The following MAP3K5 variants were observed in gnomAD, a reference collection of about 807,000 sequenced individuals.
MAP3K5 encodes mitogen-activated protein kinase kinase kinase 5, also known as ASK-1.
Under a neutral mutation model 158.7 loss-of-function variants are expected in MAP3K5, and 56 were observed. The observed-to-expected ratio is 0.35, with a 90% CI of 0.28 to 0.44. The LOEUF (loss-of-function observed/expected upper bound fraction) is 0.44. Ranked by LOEUF, MAP3K5 falls within the 20% of genes least tolerant of loss-of-function variation. MAP3K5 has a pLI of 1.00. For synonymous variants in MAP3K5, 579 were observed against 601.7 expected (o/e 0.96, Z 0.55); for missense variants, 1,294 against 1,674.8 (o/e 0.77, Z 3.97).
chr6:136,791,450 TCGCATGGACCCAGGGCTCCAG>T lies in MAP3K5; in HGVS notation c.448+239_448+259del, dbSNP rs1785070849. 3.9e-5 allele frequency among the ~76,000 whole-genome samples: 6 copies of T among 151,970 alleles called. No homozygotes were observed. The South Asian group carries it at 6.2e-4, about 16-fold the overall frequency. On this transcript the variant is annotated intron_variant, in intron 1 of 29. Coordinates refer to ENST00000359015, the MANE Select transcript of MAP3K5 (RefSeq NM_005923.4). Reference sequence around the variant, plus strand: ...ACTGCTGGAGAACAGTTCAAGTCGATCGCATGGACCCAGGGCTCCAGCGCTGGGCGGTGGGTGGATCCATAG... The same window carrying T: ...ACTGCTGGAGAACAGTTCAAGTCGATCGCTGGGCGGTGGGTGGATCCATAG...
At chr6:136,588,176 T>C (rs1775221778) in intron 23 of MAP3K5, among the ~76,000 whole-genome samples, 1 of 152,188 alleles carries the variant, frequency 6.6e-6, no homozygotes, top group South Asian at 2.1e-4. Context: ...TCACCTCCAA[T>C]GCCTAATCCC....
chr6:136,605,135 GAC>G (rs1369912246), intron 19 of MAP3K5, 72 bp downstream of exon 19: 362 of 1,424,640 alleles, frequency 2.5e-4, no homozygotes, highest in Middle Eastern at 3.7e-4. Context: ...AAAAAAATAT[GAC>G]ACACACACAC....
At chr6:136,583,811 A>C in intron 23 of MAP3K5, 71 bp from the exon 24 acceptor site, 13 of 1,390,950 alleles carry the variant, frequency 9.3e-6, no homozygotes, top group Non-Finnish European at 1.3e-5. Context: ...TCCTATCTCC[A>C]TACCCCCTGC....
intron 7 of MAP3K5, among the ~76,000 whole-genome samples, chr6:136,683,776 A>C (rs1238385177): frequency 6.6e-6 from 1 of 152,188 alleles, no homozygotes; most frequent in African/African-American, 2.4e-5. Context: ...TGAAATCTAG[A>C]CATTTCTGGA....
At chr6:136,698,763 T>C in intron 3 of MAP3K5, 81 bp from the exon 4 acceptor site, 1 of 929,540 alleles carries the variant, frequency 1.1e-6, no homozygotes, top group Non-Finnish European at 1.6e-6. Context: ...TTACTCATTT[T>C]AAATAATTCC....
At chr6:136,677,374 T>C (rs1779754647) in intron 7 of MAP3K5, among the ~76,000 whole-genome samples, 1 of 152,152 alleles carries the variant, frequency 6.6e-6, no homozygotes. Context: ...CTTGACCTCG[T>C]GATCTGCCTG....
At chr6:136,642,970 T>C (rs1303941103) in intron 11 of MAP3K5, among the ~76,000 whole-genome samples, 1 of 152,192 alleles carries the variant, frequency 6.6e-6, no homozygotes, top group Admixed American at 6.6e-5. Context: ...CTCGGCAAGG[T>C]TTTAAAGATA....
At chr6:136,592,401 C>T in intron 22 of MAP3K5, 36 bp downstream of exon 22, 4 of 1,608,644 alleles carry the variant, frequency 2.5e-6, no homozygotes, top group Non-Finnish European at 3.4e-6. Flanking sequence ...CACTTAACAA[C>T]ACACTTCTCT....
intron 1 of MAP3K5, among the ~76,000 whole-genome samples, chr6:136,764,158 T>C (rs1022690): frequency 0.51 from 76,847 of 152,036 alleles, 20,586 homozygotes; most frequent in Admixed American, 0.61. Context: ...GTTCAGACCA[T>C]GGTAGATGTT....
At chr6:136,781,511 GGT>G (rs1398575114) in intron 1 of MAP3K5, among the ~76,000 whole-genome samples, 1 of 152,180 alleles carries the variant, frequency 6.6e-6, no homozygotes, top group Non-Finnish European at 1.5e-5. Context: ...CAGGTGGAAC[GGT>G]AGTATAGAGA....
intron 1 of MAP3K5, among the ~76,000 whole-genome samples, chr6:136,728,051 T>C (rs1459721306): frequency 1.3e-5 from 2 of 152,038 alleles, no homozygotes; most frequent in East Asian, 3.8e-4. Flanking sequence ...TTACCTAAGG[T>C]ATAATTTGTT....
At chr6:136,705,189 C>T in intron 2 of MAP3K5, 56 bp from the exon 3 acceptor site, 1 of 814,926 alleles carries the variant, frequency 1.2e-6, no homozygotes, top group Non-Finnish European at 1.9e-6. Flanking sequence ...AATAATTCAA[C>T]AACATTTATT....
chr6:136,696,830 C>T (rs1260360552), intron 5 of MAP3K5, among the ~76,000 whole-genome samples: 1 of 152,190 alleles, frequency 6.6e-6, no homozygotes, highest in Non-Finnish European at 1.5e-5. Context: ...TCAAGCAATA[C>T]AATTTCAAGG....
intron 17 of MAP3K5, among the ~76,000 whole-genome samples, chr6:136,612,110 G>A (rs1206714648): frequency 6.6e-6 from 1 of 151,968 alleles, no homozygotes; most frequent in African/African-American, 2.4e-5. Context: ...CAACCACCCA[G>A]ACCCTAGCCC....
chr6:136,787,615 T>G (rs1784903472), intron 1 of MAP3K5, among the ~76,000 whole-genome samples: 1 of 152,212 alleles, frequency 6.6e-6, no homozygotes, highest in African/African-American at 2.4e-5. Flanking sequence ...CTGCATCCCA[T>G]GCCACCTTGC....
chr6:136,624,965 A>C (rs1034281756), intron 14 of MAP3K5, among the ~76,000 whole-genome samples: 1 of 152,228 alleles, frequency 6.6e-6, no homozygotes, highest in South Asian at 2.1e-4. Context: ...AGGTAAAATA[A>C]AACAGACATA....
intron 28 of MAP3K5, among the ~76,000 whole-genome samples, chr6:136,560,269 C>G (rs1830448316): frequency 6.6e-6 from 1 of 152,106 alleles, no homozygotes; most frequent in South Asian, 2.1e-4. Flanking sequence ...TCACTTGAGG[C>G]CAGGGTTCGA....
intron 1 of MAP3K5, among the ~76,000 whole-genome samples, chr6:136,778,699 T>A (rs759488028): frequency 3.9e-5 from 6 of 152,184 alleles, no homozygotes; most frequent in Non-Finnish European, 5.9e-5. Flanking sequence ...AAGTTATAAG[T>A]GAATAGATTC....
intron 15 of MAP3K5, among the ~76,000 whole-genome samples, chr6:136,622,081 G>A (rs1238023012): frequency 2.2e-5 from 3 of 138,252 alleles, no homozygotes; most frequent in Non-Finnish European, 4.5e-5. Flanking sequence ...GCAAGACTCC[G>A]TCTCAAAAAA....
Sources: gnomAD v4.1 joint callset for allele counts (sites outside exome capture counted in the v4.1 genomes callset) on GRCh38, gnomAD v4.1.1 for gene constraint, MANE v1.5 for transcripts, NCBI Gene and HGNC (gene_info 2026-07-23, HGNC 2026-07-21) for gene names.